RALGAPA2: variants seen among roughly 807,000 people sequenced by gnomAD.
The protein encoded by RALGAPA2 is Ral GTPase activating protein catalytic subunit alpha 2.
A neutral mutation model predicts 230.4 loss-of-function variants in RALGAPA2; 139 were observed. The observed-to-expected ratio is 0.60, with a 90% CI of 0.53 to 0.69. The LOEUF is 0.69. RALGAPA2 is among the 30% of genes least tolerant of loss of function. The probability of loss-of-function intolerance (pLI) is 0.00; values close to 1 mark genes in which losing one functional copy is unlikely to be tolerated. For synonymous variants in RALGAPA2, 847 were observed against 837.8 expected, an observed-to-expected ratio of 1.01 and a Z score of -0.19; for missense variants, 2,163 against 2,276.0, an observed-to-expected ratio of 0.95 and a Z score of 1.01.
chr20:20,591,412 G>T, intron 16 of RALGAPA2, 98 bp from the exon 17 acceptor site: 1 of 1,322,740 alleles, frequency 7.6e-7, no homozygotes, highest in Non-Finnish European at 1.0e-6. Context: ...AGTTTCAAAT[G>T]CTTTTCACAA....
At chr20:20,696,898 G>T (rs1046819852) in intron 1 of RALGAPA2, among the ~76,000 whole-genome samples, 3 of 151,866 alleles carry the variant, frequency 2.0e-5, no homozygotes, top group Non-Finnish European at 4.4e-5. Flanking sequence ...TTATTATTTG[G>T]TTTTTTTGTT....
At chr20:20,564,292 A>G (rs1363461734) in intron 23 of RALGAPA2, among the ~76,000 whole-genome samples, 1 of 152,234 alleles carries the variant, frequency 6.6e-6, no homozygotes. Flanking sequence ...AAACTCCATC[A>G]TGCTTCTTGT....
chr20:20,488,995 C>A (rs2061982627), intron 36 of RALGAPA2, among the ~76,000 whole-genome samples: 1 of 152,148 alleles, frequency 6.6e-6, no homozygotes. Flanking sequence ...TCTCTTGTGA[C>A]CATCTGTCTT....
chr20:20,515,358 G>T (rs2062836798), intron 31 of RALGAPA2, among the ~76,000 whole-genome samples: 1 of 152,256 alleles, frequency 6.6e-6, no homozygotes, highest in Non-Finnish European at 1.5e-5. Flanking sequence ...GGACAGAATA[G>T]TGTGTAGAGA....
intron 23 of RALGAPA2, among the ~76,000 whole-genome samples, chr20:20,557,411 T>C (rs548548352): frequency 3.0e-4 from 46 of 152,304 alleles, no homozygotes; most frequent in African/African-American, 9.9e-4. Context: ...CACACAAACA[T>C]AGGTACTGCA....
intron 16 of RALGAPA2, among the ~76,000 whole-genome samples, chr20:20,596,533 C>A (rs1431146466): frequency 1.3e-5 from 2 of 152,288 alleles, no homozygotes; most frequent in East Asian, 1.9e-4. Flanking sequence ...GGAGAATATA[C>A]AATCTGCCCT....
At position 20,582,993 on chromosome 20, in the gene RALGAPA2, T is replaced by C. The variant is rs149625818; in HGVS notation, c.2707+57A>G. ...CCTCTGTATACAAGACTCCAATGAT[T>C]CACAACTGATCTCCCAGCTGTTTGC... is the stretch of plus-strand genomic sequence containing the variant. On this transcript the variant is annotated intron_variant, in intron 20 of 39. Transcript: ENST00000202677. 2,321 of 1,546,394 alleles carry C rather than the reference T, an allele frequency of 1.5e-3. 30 individuals are homozygous for C. In the African/African-American group the frequency reaches 0.028, roughly 18 times the overall value.
intron 37 of RALGAPA2, among the ~76,000 whole-genome samples, chr20:20,453,451 C>A (rs78491920): frequency 5.3e-5 from 8 of 152,124 alleles, no homozygotes; most frequent in Middle Eastern, 3.4e-3. Flanking sequence ...CTGATTACTG[C>A]GGGGGGTGGG....
Position 20,712,559 on chromosome 20 carries a change from C to A in RALGAPA2, c.-79G>T, listed in dbSNP as rs2069932671. 8.3e-6 allele frequency: 11 copies of A among 1,333,142 alleles called. No homozygotes were observed. In the South Asian group the frequency reaches 2.1e-4, roughly 25 times the overall value. The allele number at this position is 1,333,142 out of a possible 1,614,324, so 82.6% of individuals were successfully genotyped here. A position where few individuals can be genotyped will look rare whatever the true frequency, so the allele number is the denominator to read the frequency against. On this transcript the variant is annotated 5_prime_UTR_variant, in exon 1 of 40. Coordinates refer to ENST00000202677, the MANE Select transcript of RALGAPA2 (RefSeq NM_020343.4). This position sits in a 1 kb window ranked among gnomAD's most constrained non-coding sequence, Gnocchi z 5.5. ...GCGAATCAAAGCATAGGGTCGAGGC[C>A]GGCGCGTGTCGCGCGGGCCACTCGC...
intron 37 of RALGAPA2, among the ~76,000 whole-genome samples, chr20:20,413,151 A>G (rs891017645): frequency 3.9e-5 from 6 of 152,350 alleles, no homozygotes; most frequent in Admixed American, 3.9e-4. Flanking sequence ...TTCTCCGGGA[A>G]CACAGGGAAT....
At chr20:20,620,399 T>A (rs2066282845) in intron 11 of RALGAPA2, 64 bp downstream of exon 11, 1 of 1,523,494 alleles carries the variant, frequency 6.6e-7, no homozygotes, top group Non-Finnish European at 9.0e-7. Flanking sequence ...GACTCTTGAC[T>A]GAGCAAGTAT....
chr20:20,666,750 C>T (rs939772803), intron 3 of RALGAPA2, among the ~76,000 whole-genome samples: 1 of 152,176 alleles, frequency 6.6e-6, no homozygotes, highest in African/African-American at 2.4e-5. Context: ...GAAAAGGAAT[C>T]GTTACTTAAT....
At chr20:20,581,562 C>G (rs1445923951) in intron 20 of RALGAPA2, among the ~76,000 whole-genome samples, 1 of 152,148 alleles carries the variant, frequency 6.6e-6, no homozygotes, top group Non-Finnish European at 1.5e-5. Flanking sequence ...CTCAATCTCC[C>G]CATCTCTAAA....
intron 3 of RALGAPA2, among the ~76,000 whole-genome samples, chr20:20,658,759 C>G (rs1258909237): frequency 6.6e-6 from 1 of 152,168 alleles, no homozygotes; most frequent in Non-Finnish European, 1.5e-5. Context: ...GAAATGTAAG[C>G]TGGAGTCTAC....
chr20:20,527,818 G>C (rs1220056737), intron 27 of RALGAPA2, among the ~76,000 whole-genome samples: 1 of 152,202 alleles, frequency 6.6e-6, no homozygotes, highest in African/African-American at 2.4e-5. Flanking sequence ...GAAACTCTGA[G>C]AGAGTGGGAG....
chr20:20,401,390 ACCCCC>A (rs1208745759), intron 38 of RALGAPA2, among the ~76,000 whole-genome samples: 2 of 152,016 alleles, frequency 1.3e-5, no homozygotes, highest in Non-Finnish European at 2.9e-5. Flanking sequence ...CTGCTGTGCC[ACCCCC>A]CAAACCTCAC....
rs1319973310 is a variant in RALGAPA2, at chr20:20,571,858, C to T, written c.2990G>A (p.Trp997Ter). ...LIPPLRMFAS[W>*]LFKAATLPNE... The stretch of plus-strand genomic sequence containing the variant: ...CACATATCCACTTGCCTTAAACAGC[C>T]ATGATGCAAACATTCTGAGTGGTGG... The change falls in exon 22 of 40, where the codon TGG (tryptophan) becomes TAG (stop). Residue 997 changes from tryptophan to a stop codon, truncating the protein, a stop_gained. Transcript: ENST00000202677. LOFTEE classifies it high-confidence loss of function. 1 of 1,608,874 alleles carries T rather than the reference C, an allele frequency of 6.2e-7. No homozygotes were observed. Among genetic ancestry groups the T allele is most frequent in the Non-Finnish European group, 8.5e-7 (1 of 1,176,434 alleles).
chr20:20,462,904 A>T (rs1204604456), intron 37 of RALGAPA2, among the ~76,000 whole-genome samples: 1 of 152,236 alleles, frequency 6.6e-6, no homozygotes, highest in Admixed American at 6.5e-5. Context: ...TATTGCTTAT[A>T]ATCCCAGAGT....
intron 3 of RALGAPA2, among the ~76,000 whole-genome samples, chr20:20,669,304 T>A (rs1275010575): frequency 6.6e-6 from 1 of 152,224 alleles, no homozygotes; most frequent in African/African-American, 2.4e-5. Flanking sequence ...TGAAACAGTA[T>A]CTCTGAATTA....
Sources: gnomAD v4.1 joint callset for allele counts (sites outside exome capture counted in the v4.1 genomes callset) on GRCh38, gnomAD v4.1.1 for gene constraint, Gnocchi (gnomAD v3.1) non-coding constraint, MANE v1.5 for transcripts, NCBI Gene and HGNC (gene_info 2026-07-23, HGNC 2026-07-21) for gene names.